Variants in C21orf58 observed in about 807,000 individuals in gnomAD.
C21orf58 encodes the protein chromosome 21 open reading frame 58.
Under a neutral mutation model 35.8 loss-of-function variants are expected in C21orf58, and 34 were observed. That is an observed-to-expected ratio of 0.95 (90% CI 0.72 to 1.26). C21orf58 has a LOEUF of 1.26. Among genes scored for constraint, C21orf58 ranks in the 50% most tolerant of loss-of-function variants. The pLI, the probability that C21orf58 is intolerant of heterozygous loss-of-function variation, is 0.00. For missense variants in C21orf58, 440 were observed against 414.3 expected (o/e 1.06, Z -0.54); for synonymous variants, 191 against 175.8 (o/e 1.09, Z -0.68).
Position 46,314,812 on chromosome 21 carries a change from C to T in C21orf58, c.513G>A (p.Gly171=). 1 of 1,547,994 alleles carries T rather than the reference C, an allele frequency of 6.5e-7. No individual in the cohort carries two copies. Among genetic ancestry groups the T allele is most frequent in the African/African-American group, 1.4e-5 (1 of 73,148 alleles). The change falls in exon 5 of 8, where the codon GGG becomes GGA. Residue 171 remains glycine (G), a synonymous_variant. Coordinates refer to ENST00000291691, the MANE Select transcript of C21orf58 (RefSeq NM_058180.5). The part of the protein sequence containing the change: ...AWSGPSRGAL[G]SALPPELPPT... ...GGGGCAGCTCTGGGGGCAGGGCTGA[C>T]CCGAGGGCTCCTCTGCTTGGCCCGC...
In C21orf58 at chr21:46,311,400, T is replaced by G. The variant is rs577779875; in HGVS notation, c.721+56A>C. 50 of 1,049,070 alleles carry G rather than the reference T, an allele frequency of 4.8e-5. No individual in the cohort carries two copies. The South Asian group carries it at 6.5e-4, about 14-fold the overall frequency. The allele number at this position is 1,049,070 out of a possible 1,614,324, so 65.0% of individuals were successfully genotyped here. ...GACTGTCCTGCTTCCAGGAACATTT[T>G]CCCTTTCAGTAGATAATTTCCTCAA... On this transcript the variant is annotated intron_variant, in intron 6 of 7. Coordinates refer to ENST00000291691, the MANE Select transcript of C21orf58 (RefSeq NM_058180.5).
chr21:46,318,660 A>G (rs571072894), intron 1 of C21orf58: 42 of 1,068,284 alleles, frequency 3.9e-5, no homozygotes, highest in South Asian at 1.2e-4. Flanking sequence ...GGGTGAGGAG[A>G]CTGCCTACCA....
chr21:46,303,708 A>AAT (rs1356861977), intron 6 of C21orf58, among the ~76,000 whole-genome samples: 9 of 37,276 alleles, frequency 2.4e-4, no homozygotes, highest in African/African-American at 7.3e-4. Flanking sequence ...ACACACACAA[A>AAT]ATATATATAT....
downstream of C21orf58, among the ~76,000 whole-genome samples, chr21:46,300,977 G>A (rs1440442980): frequency 5.3e-5 from 8 of 152,116 alleles, no homozygotes; most frequent in Admixed American, 5.2e-4. Context: ...TGAACTGAGG[G>A]GAGTGAGCCG....
At position 46,306,540 on chromosome 21, in the gene C21orf58, C is replaced by CA. The variant is rs533931035; in HGVS notation, c.722-3965dup. 3.3e-5 allele frequency among the ~76,000 whole-genome samples: 5 copies of CA among 152,166 alleles called. No individual in the cohort carries two copies. The South Asian group carries it at 1.0e-3, about 32-fold the overall frequency. On this transcript the variant is annotated intron_variant, in intron 6 of 7. Transcript: ENST00000291691. Reference sequence around the variant, plus strand: ...TATGAATTCCTTTAGAACAGTTATACAAACTCCCTCAGTATCTACTTTCCT... The same window carrying CA: ...TATGAATTCCTTTAGAACAGTTATACAAAACTCCCTCAGTATCTACTTTCCT...
At chr21:46,319,974 C>T (rs2083101001) in intron 1 of C21orf58, among the ~76,000 whole-genome samples, 1 of 152,044 alleles carries the variant, frequency 6.6e-6, no homozygotes, top group Admixed American at 6.6e-5. Context: ...CAGTCATTAA[C>T]AGTGACAGTC....
At chr21:46,300,541 T>A, downstream of C21orf58, 1 of 646,742 alleles carries the variant, frequency 1.5e-6, no homozygotes, top group Non-Finnish European at 2.1e-6. Context: ...GAGCACAGAG[T>A]CTCTGGAATC....
At chr21:46,311,320 A>T (rs1444146246) in intron 6 of C21orf58, 136 bp downstream of exon 6, 2 of 447,964 alleles carry the variant, frequency 4.5e-6, no homozygotes, top group Non-Finnish European at 8.1e-6. Flanking sequence ...TTATATAAGG[A>T]TTTCTTAAAG....
chr21:46,307,201 T>A (rs1169011921), intron 6 of C21orf58, among the ~76,000 whole-genome samples: 1 of 151,036 alleles, frequency 6.6e-6, no homozygotes, highest in Non-Finnish European at 1.5e-5. Context: ...CAGCCAAGAT[T>A]GCATCTTGCT....
At chr21:46,321,290 T>C (rs2083149150) in intron 1 of C21orf58, among the ~76,000 whole-genome samples, 2 of 152,154 alleles carry the variant, frequency 1.3e-5, no homozygotes, top group African/African-American at 4.8e-5. Flanking sequence ...TGCCTCAGCC[T>C]CTCGAGTAGC....
intron 6 of C21orf58, among the ~76,000 whole-genome samples, chr21:46,308,243 A>C (rs1601658908): frequency 6.6e-6 from 1 of 152,098 alleles, no homozygotes; most frequent in African/African-American, 2.4e-5. Flanking sequence ...GGGGCAGATC[A>C]CGAGGTCAGG....
At chr21:46,302,281 A>G in intron 7 of C21orf58, 127 bp from the exon 8 acceptor site, 5 of 1,400,078 alleles carry the variant, frequency 3.6e-6, no homozygotes, top group Non-Finnish European at 4.7e-6. Flanking sequence ...GCATCCTCCC[A>G]GAGGAGGCTC....
At chr21:46,315,189 A>T (rs2082926705) in intron 4 of C21orf58, 2 of 628,980 alleles carry the variant, frequency 3.2e-6, no homozygotes, top group Non-Finnish European at 5.5e-6. Flanking sequence ...CCTCCCCTGC[A>T]TCTCTGCCAC....
In C21orf58 at chr21:46,319,761, G is replaced by A. The variant is rs991075740; in HGVS notation, c.101-1541C>T. On this transcript the variant is annotated intron_variant, in intron 1 of 7. Coordinates refer to ENST00000291691, the MANE Select transcript of C21orf58 (RefSeq NM_058180.5). ...AAATACAAAAAATTAGCCAGGCGTC[G>A]TGGTAGGCGCCTGTAATCCCAGCTA... Among the ~76,000 whole-genome samples, 4 of 152,034 alleles carry A rather than the reference G, an allele frequency of 2.6e-5. No individual in the cohort carries two copies. The East Asian group carries it at 7.7e-4, about 29-fold the overall frequency.
At chr21:46,300,775 C>A (rs1198812143), downstream of C21orf58, 3 of 1,288,812 alleles carry the variant, frequency 2.3e-6, no homozygotes, top group African/African-American at 1.5e-5. Context: ...TGCGGAACTT[C>A]AGGAATGAAA....
In C21orf58 at chr21:46,322,819, G is replaced by T; in HGVS notation, c.-81C>A. ...TGAGCGAGATTCCAGGGCTTCCTGA[G>T]GGCGCGTTTAAGTTGCAGTTGCTGA... On this transcript the variant is annotated 5_prime_UTR_variant, in exon 1 of 8. Transcript: ENST00000291691. 9.8e-7 allele frequency: 1 copy of T among 1,017,442 alleles called. No homozygotes were observed. The highest frequency in any genetic ancestry group is 2.3e-5 in the South Asian group (1 of 43,124). The allele number at this position is 1,017,442 out of a possible 1,614,324, so 63.0% of individuals were successfully genotyped here. A position where few individuals can be genotyped will look rare whatever the true frequency, so the allele number is the denominator to read the frequency against.
rs752930308 is a variant in C21orf58 at position 46,322,649 on chromosome 21, A to C, written c.90T>G (p.Ser30Arg). 1.3e-6 allele frequency: 2 copies of C among 1,590,672 alleles called. No homozygotes were observed. Among genetic ancestry groups the C allele is most frequent in the African/African-American group, 2.7e-5 (2 of 74,002 alleles). Residue 30 changes from serine to arginine, a missense_variant, in exon 1 of 8, where the codon AGT (serine) becomes AGG (arginine). By Grantham distance (110) the Ser-to-Arg change is moderately radical. Transcript: ENST00000291691. ...GGACACCCCGCTCACCACACAGAAGACTGTGGCCTGAGTCAGGAGAAGGAA... is the reference window on the plus strand; with the variant it reads ...GGACACCCCGCTCACCACACAGAAGCCTGTGGCCTGAGTCAGGAGAAGGAA... ...QKLPSPDSGH[S>R]LLCGWSPGGK...
In C21orf58 at chr21:46,314,992, G is replaced by C. The variant is rs542506539; in HGVS notation, c.445-112C>G. The C allele has an allele frequency of 4.9e-4, 767 of 1,549,940 alleles. 7 individuals are homozygous for C. In the South Asian group the frequency reaches 8.6e-3, roughly 17 times the overall value. On this transcript the variant is annotated intron_variant, in intron 4 of 7. Coordinates refer to ENST00000291691, the MANE Select transcript of C21orf58 (RefSeq NM_058180.5). ...CTGGGCCAGGTACAGGCGCCTCTCC[G>C]GGCAGGATGGCCATGACTGGAAGAC...
intron 6 of C21orf58, among the ~76,000 whole-genome samples, chr21:46,303,900 C>T (rs1322601204): frequency 2.7e-5 from 4 of 148,092 alleles, no homozygotes; most frequent in South Asian, 2.1e-4. Context: ...TACAGGTGCC[C>T]GCCACTGCGC....
Sources: gnomAD v4.1 joint callset for allele counts (sites outside exome capture counted in the v4.1 genomes callset) on GRCh38, gnomAD v4.1.1 for gene constraint, MANE v1.5 for transcripts, NCBI Gene and HGNC (gene_info 2026-07-23, HGNC 2026-07-21) for gene names.